KANSL1L: variants seen among roughly 807,000 people sequenced by gnomAD.
KANSL1L encodes the protein KAT8 regulatory NSL complex subunit 1 like.
A neutral mutation model predicts 108.6 loss-of-function variants in KANSL1L; 25 were observed. The ratio of observed to expected loss-of-function variants is 0.23; its 90% CI spans 0.17 to 0.32. KANSL1L has a LOEUF of 0.32. Ranked by LOEUF, KANSL1L falls within the 10% of genes least tolerant of loss-of-function variation. The pLI, the probability that KANSL1L is intolerant of heterozygous loss-of-function variation, is 1.00. For synonymous variants in KANSL1L, 405 were observed against 395.1 expected, an observed-to-expected ratio of 1.03 and a Z score of -0.30; for missense variants, 1,137 against 1,125.7, an observed-to-expected ratio of 1.01 and a Z score of -0.14.
chr2:210,168,323 G>A (rs941865223), intron 1 of KANSL1L, among the ~76,000 whole-genome samples: 1 of 151,852 alleles, frequency 6.6e-6, no homozygotes, highest in Non-Finnish European at 1.5e-5. Context: ...ATACTATATA[G>A]ACAAAATAAG....
intron 3 of KANSL1L, among the ~76,000 whole-genome samples, chr2:210,119,803 A>C (rs879859528): frequency 6.6e-6 from 1 of 152,216 alleles, no homozygotes; most frequent in Non-Finnish European, 1.5e-5. Flanking sequence ...CATTCAATAT[A>C]ATACTGGAAA....
chr2:210,118,258 C>G (rs185405785), intron 3 of KANSL1L, among the ~76,000 whole-genome samples: 2,493 of 149,590 alleles, frequency 0.017, 66 homozygotes, highest in African/African-American at 0.058. Flanking sequence ...CACTTGAGGT[C>G]AGGAGTTCAA....
chr2:210,143,930 CAT>C (rs892028985), intron 2 of KANSL1L, among the ~76,000 whole-genome samples: 3 of 152,240 alleles, frequency 2.0e-5, no homozygotes, highest in East Asian at 3.9e-4. Flanking sequence ...TTTACACTTT[CAT>C]ATGTTTTCAT....
intron 1 of KANSL1L, among the ~76,000 whole-genome samples, chr2:210,169,708 A>T (rs1338712838): frequency 6.6e-6 from 1 of 152,228 alleles, no homozygotes; most frequent in Non-Finnish European, 1.5e-5. Flanking sequence ...ACCATGAGGA[A>T]ATGGTTGCAG....
At chr2:210,104,010 C>T (rs2094821725) in intron 4 of KANSL1L, 94 bp downstream of exon 4, 1 of 959,298 alleles carries the variant, frequency 1.0e-6, no homozygotes, top group Non-Finnish European at 1.6e-6. Flanking sequence ...ACACATATGC[C>T]AGGAAGATAC....
At chr2:210,171,837 T>G (rs373119710), upstream of KANSL1L, 1 of 152,090 alleles carries the variant, frequency 6.6e-6, no homozygotes, top group African/African-American at 2.4e-5. Flanking sequence ...CAGGCGAGTT[T>G]TAAGAGATTT....
chr2:210,128,011 T>C (rs975562794), intron 3 of KANSL1L, among the ~76,000 whole-genome samples: 1 of 152,062 alleles, frequency 6.6e-6, no homozygotes, highest in Admixed American at 6.6e-5. Flanking sequence ...GCACATGAAA[T>C]GATGTTCAAC....
intron 1 of KANSL1L, among the ~76,000 whole-genome samples, chr2:210,164,879 G>A (rs928022548): frequency 1.4e-5 from 1 of 72,038 alleles, no homozygotes; most frequent in African/African-American, 5.3e-5. Flanking sequence ...GTTTTTTTTT[G>A]TTTTGAGATG....
intron 8 of KANSL1L, among the ~76,000 whole-genome samples, chr2:210,038,781 C>T (rs2094134796): frequency 1.3e-5 from 2 of 151,886 alleles, no homozygotes; most frequent in South Asian, 2.1e-4. Context: ...TGGCTCCAAG[C>T]CAGACTGCTT....
chr2:210,119,375 C>T (rs1559574133), intron 3 of KANSL1L, among the ~76,000 whole-genome samples: 1 of 152,018 alleles, frequency 6.6e-6, no homozygotes, highest in Non-Finnish European at 1.5e-5. Flanking sequence ...CTAGCCAAAA[C>T]CACATTTTTA....
intron 5 of KANSL1L, 127 bp downstream of exon 5, chr2:210,097,959 T>C (rs2094753945): frequency 3.5e-6 from 2 of 575,224 alleles, no homozygotes; most frequent in East Asian, 3.5e-5. Context: ...GGTATATTGA[T>C]TGTACTCTAG....
At chr2:210,037,481 TC>T (rs1559505281) in intron 8 of KANSL1L, among the ~76,000 whole-genome samples, 1 of 152,234 alleles carries the variant, frequency 6.6e-6, no homozygotes, top group Non-Finnish European at 1.5e-5. Flanking sequence ...CTTATATTTT[TC>T]TGTATTTCTT....
chr2:210,145,998 G>T (rs2095263080), intron 2 of KANSL1L, among the ~76,000 whole-genome samples: 1 of 152,086 alleles, frequency 6.6e-6, no homozygotes. Context: ...TGGTGGTGGT[G>T]GTGGGGGTAG....
chr2:210,026,050 TCAG>T (rs1201581595), intron 12 of KANSL1L, among the ~76,000 whole-genome samples: 3 of 152,198 alleles, frequency 2.0e-5, no homozygotes, highest in African/African-American at 7.2e-5. Context: ...CTTAGACAAG[TCAG>T]CATTAATTTA....
chr2:210,128,964 T>A, intron 3 of KANSL1L, 67 bp downstream of exon 3: 1 of 1,240,970 alleles, frequency 8.1e-7, no homozygotes, highest in Non-Finnish European at 1.1e-6. Context: ...ATTTTTGTGA[T>A]CAAATGAGAA....
chr2:210,064,599 G>A (rs917934081), intron 6 of KANSL1L, among the ~76,000 whole-genome samples: 1 of 151,856 alleles, frequency 6.6e-6, no homozygotes, highest in Non-Finnish European at 1.5e-5. Flanking sequence ...CATTTTTTGA[G>A]CCCAGGAGTT....
intron 3 of KANSL1L, among the ~76,000 whole-genome samples, chr2:210,112,284 C>T (rs983779513): frequency 3.3e-5 from 5 of 152,080 alleles, no homozygotes; most frequent in African/African-American, 9.7e-5. Context: ...GGAAAACTGG[C>T]TAGCCATATG....
intron 3 of KANSL1L, among the ~76,000 whole-genome samples, chr2:210,119,822 T>C (rs2094997010): frequency 1.3e-5 from 2 of 152,040 alleles, no homozygotes; most frequent in South Asian, 2.1e-4. Flanking sequence ...AAGTTGTAGG[T>C]AGAGCAATTA....
chr2:210,031,282 T>G, intron 9 of KANSL1L, 139 bp downstream of exon 9: 1 of 596,054 alleles, frequency 1.7e-6, no homozygotes, highest in Non-Finnish European at 2.9e-6. Flanking sequence ...ATATGCTGTT[T>G]CATGTTTGTA....
Sources: allele counts gnomAD v4.1 joint callset (sites outside exome capture counted in the v4.1 genomes callset), GRCh38; gene constraint gnomAD v4.1.1; transcripts MANE v1.5; gene names NCBI Gene and HGNC (gene_info 2026-07-23, HGNC 2026-07-21).